Variants in SLTM observed in about 807,000 individuals in gnomAD.
SLTM encodes the protein SAFB-like transcription modulator.
In SLTM, 43 loss-of-function variants were observed where a neutral mutation model predicts 134.6. The observed-to-expected ratio is 0.32, with a 90% confidence interval of 0.25 to 0.41. The LOEUF (loss-of-function observed/expected upper bound fraction) is 0.41, where lower values mean the gene tolerates loss of function less well. Among genes scored for constraint, SLTM ranks in the 10% least tolerant of loss-of-function variants. The probability of loss-of-function intolerance (pLI) is 1.00; values close to 1 mark genes in which losing one functional copy is unlikely to be tolerated. For synonymous variants in SLTM, 424 were observed against 432.3 expected (o/e 0.98, Z 0.24); for missense variants, 1,055 against 1,288.8 (o/e 0.82, Z 2.78).
intron 2 of SLTM, among the ~76,000 whole-genome samples, chr15:58,929,140 G>T (rs1419543470): frequency 1.3e-5 from 2 of 152,140 alleles, no homozygotes; most frequent in Non-Finnish European, 2.9e-5. Context: ...CTGGCAAAAA[G>T]AATTGAATGT....
At chr15:58,893,779 G>A (rs764729224) in intron 12 of SLTM, 42 bp downstream of exon 12, 44 of 1,558,288 alleles carry the variant, frequency 2.8e-5, no homozygotes, top group Non-Finnish European at 3.1e-5. Context: ...AAATTAAGTA[G>A]TAGAATGCAT....
chr15:58,898,674 T>C, intron 8 of SLTM, 129 bp downstream of exon 8: 1 of 656,532 alleles, frequency 1.5e-6, no homozygotes, highest in Non-Finnish European at 2.7e-6. Flanking sequence ...ATAAAGACCA[T>C]CTCAAGTTTC....
At chr15:58,891,034 A>G (rs1222567549) in intron 14 of SLTM, among the ~76,000 whole-genome samples, 1 of 152,194 alleles carries the variant, frequency 6.6e-6, no homozygotes, top group African/African-American at 2.4e-5. Flanking sequence ...AGGTAGTTCA[A>G]TTGTTCACTG....
chr15:58,890,180 T>C (rs2034543760), intron 15 of SLTM, 101 bp downstream of exon 15: 1 of 1,364,092 alleles, frequency 7.3e-7, no homozygotes, highest in Non-Finnish European at 1.0e-6. Flanking sequence ...GCTAAACTCA[T>C]TCTATAGACG....
chr15:58,905,041 A>C (rs1274474506), intron 5 of SLTM, among the ~76,000 whole-genome samples: 1 of 152,056 alleles, frequency 6.6e-6, no homozygotes, highest in Non-Finnish European at 1.5e-5. Flanking sequence ...ATGGTGTTTC[A>C]CCATGTTGGC....
At chr15:58,880,167 T>C (rs1595807866) in intron 20 of SLTM, 60 bp from the exon 21 acceptor site, 4 of 1,576,312 alleles carry the variant, frequency 2.5e-6, no homozygotes, top group East Asian at 2.3e-5. Context: ...TCACTGCAAA[T>C]ACCAGGCACT....
Position 58,899,045 on chromosome 15 carries a change from A to C in SLTM, c.1059-193T>G. ...CACTGATTTTCCCCAAGATGCCTGA[A>C]GATCTAGATTTTCTGACAATTCTAT... On this transcript the variant is annotated intron_variant, in intron 7 of 20. Transcript: ENST00000380516. This position sits in a 1 kb window ranked among gnomAD's most constrained non-coding sequence, Gnocchi z 5.0. 1 of 514,860 alleles carries C rather than the reference A, an allele frequency of 1.9e-6. No individual in the cohort carries two copies. Among genetic ancestry groups the C allele is most frequent in the East Asian group, 3.4e-5 (1 of 29,378 alleles). The allele number at this position is 514,860 out of a possible 1,614,324, so 31.9% of individuals were successfully genotyped here. A position where few individuals can be genotyped will look rare whatever the true frequency, so the allele number is the denominator to read the frequency against.
At position 58,888,569 on chromosome 15, in the gene SLTM, AT is replaced by A; in HGVS notation, c.2205-15del. 1 of 1,611,474 alleles carries A rather than the reference AT, an allele frequency of 6.2e-7. No homozygotes were observed. On this transcript the variant is annotated splice_polypyrimidine_tract_variant and intron_variant, in intron 16 of 20. Coordinates refer to ENST00000380516, the MANE Select transcript of SLTM (RefSeq NM_024755.4). Reference sequence around the variant, plus strand: ...GGATCATCTCGCCTTGAAGAGAAATATTTGCTTATTTACATAAATTAGTTCT... The same window carrying A: ...GGATCATCTCGCCTTGAAGAGAAATATTGCTTATTTACATAAATTAGTTCT...
chr15:58,908,119 C>T (rs1250042794), intron 5 of SLTM, among the ~76,000 whole-genome samples: 1 of 150,038 alleles, frequency 6.7e-6, no homozygotes. Context: ...TGCAGTGGCA[C>T]AATCACGGCT....
chr15:58,908,959 TCTTAA>T, intron 5 of SLTM, among the ~76,000 whole-genome samples: 1 of 152,322 alleles, frequency 6.6e-6, no homozygotes, highest in East Asian at 1.9e-4. Context: ...GTCTATTTTA[TCTTAA>T]AAGTAAAAAT....
intron 6 of SLTM, 120 bp from the exon 7 acceptor site, chr15:58,900,057 G>GT: frequency 5.6e-5 from 36 of 644,400 alleles, no homozygotes; most frequent in Middle Eastern, 4.4e-4. Flanking sequence ...TGGAAGTTAG[G>GT]GAAAAAAAAA....
At chr15:58,931,742 A>C (rs2037895175) in intron 2 of SLTM, among the ~76,000 whole-genome samples, 1 of 152,202 alleles carries the variant, frequency 6.6e-6, no homozygotes, top group Admixed American at 6.5e-5. Flanking sequence ...AAATAAATAT[A>C]TTTTGCTCTA....
chr15:58,890,185 T>G, intron 15 of SLTM, 96 bp downstream of exon 15: 1 of 1,399,594 alleles, frequency 7.1e-7, no homozygotes, highest in South Asian at 1.3e-5. Context: ...ACTCATTCTA[T>G]AGACGCTTTA....
At chr15:58,889,576 G>C (rs1595843332) in intron 15 of SLTM, 22 bp from the exon 16 acceptor site, 1 of 1,612,690 alleles carries the variant, frequency 6.2e-7, no homozygotes, top group East Asian at 2.2e-5. Flanking sequence ...ACAGAATGAA[G>C]AACCAACCAA....
At chr15:58,913,749 TC>T in intron 3 of SLTM, 53 bp from the exon 4 acceptor site, 1 of 1,436,270 alleles carries the variant, frequency 7.0e-7, no homozygotes, top group Non-Finnish European at 9.7e-7. Flanking sequence ...GTGTGGGCTA[TC>T]CACCAAACGT....
chr15:58,900,497 T>C (rs150935030), intron 6 of SLTM: 2 of 153,058 alleles, frequency 1.3e-5, no homozygotes, highest in African/African-American at 4.8e-5. Flanking sequence ...GTTCAGGAAA[T>C]TGGTTATTTC....
Position 58,933,634 on chromosome 15 carries a change from A to C in SLTM, c.-69T>G. ...GGCGGCGGCAGCAGCGCCAACTTCC[A>C]CCCAGGCCTCGGCGGCCGCCGGCGC... On this transcript the variant is annotated 5_prime_UTR_variant, in exon 1 of 21. Coordinates refer to ENST00000380516, the MANE Select transcript of SLTM (RefSeq NM_024755.4). 2.1e-6 allele frequency: 3 copies of C among 1,410,432 alleles called. No individual in the cohort carries two copies. Among genetic ancestry groups the C allele is most frequent in the Non-Finnish European group, 1.8e-6 (2 of 1,085,038 alleles). 87.4% of individuals were successfully genotyped at this position (1,410,432 alleles called of 1,614,324 possible).
chr15:58,892,347 G>C (rs137856531), intron 14 of SLTM, among the ~76,000 whole-genome samples: 1 of 152,290 alleles, frequency 6.6e-6, no homozygotes, highest in Non-Finnish European at 1.5e-5. Context: ...CTTGCTTTGG[G>C]ATATAATCCG....
At chr15:58,922,377 CAAAAAAAAAAA>C (rs59996812) in intron 2 of SLTM, among the ~76,000 whole-genome samples, 1 of 61,132 alleles carries the variant, frequency 1.6e-5, no homozygotes, top group Non-Finnish European at 2.7e-5. Context: ...AACTCTGCCT[CAAAAAAAAAAA>C]AAAAAAAAAA....
Sources: allele counts gnomAD v4.1 joint callset (sites outside exome capture counted in the v4.1 genomes callset), GRCh38; gene constraint gnomAD v4.1.1; non-coding constraint Gnocchi (gnomAD v3.1); transcripts MANE v1.5; gene names NCBI Gene and HGNC (gene_info 2026-07-23, HGNC 2026-07-21).